ABLIM2: variants seen among roughly 807,000 people sequenced by gnomAD.
ABLIM2 encodes the protein actin binding LIM protein family member 2, also known as actin-binding LIM protein 2.
A neutral mutation model predicts 97.7 loss-of-function variants in ABLIM2; 53 were observed. The ratio of observed to expected loss-of-function variants is 0.54; its 90% CI spans 0.44 to 0.68. The LOEUF (loss-of-function observed/expected upper bound fraction) is 0.68, where lower values mean the gene tolerates loss of function less well. Ranked by LOEUF, ABLIM2 falls within the 30% of genes least tolerant of loss-of-function variation. The pLI, the probability that ABLIM2 is intolerant of heterozygous loss-of-function variation, is 0.00. For missense variants in ABLIM2, 835 were observed against 867.2 expected (o/e 0.96, Z 0.47); for synonymous variants, 361 against 345.8 (o/e 1.04, Z -0.49).
chr4:8,096,183 C>T (rs1341575836), intron 3 of ABLIM2, among the ~76,000 whole-genome samples: 1 of 152,224 alleles, frequency 6.6e-6, no homozygotes, highest in Admixed American at 6.5e-5. Context: ...TTGTTCCTTT[C>T]TCTTAGTTCT....
intron 9 of ABLIM2, among the ~76,000 whole-genome samples, chr4:8,039,026 C>T (rs1213414181): frequency 6.6e-6 from 1 of 152,148 alleles, no homozygotes; most frequent in East Asian, 1.9e-4. Context: ...CTCGAGGCTT[C>T]CTTCCCCACA....
Position 8,046,531 on chromosome 4 carries a change from G to A in ABLIM2, c.823-1290C>T, listed in dbSNP as rs538671977. On this transcript the variant is annotated intron_variant, in intron 8 of 20. Coordinates refer to ENST00000447017, the MANE Select transcript of ABLIM2 (RefSeq NM_001130083.2). This position sits in a 1 kb window ranked among gnomAD's most constrained non-coding sequence, Gnocchi z 4.4. Reference sequence around the variant, plus strand: ...CGGCCCCCACGTCCTCTGCTGCTTCGATGGTTTCCCACCCCGACCACAGCC... The same window carrying A: ...CGGCCCCCACGTCCTCTGCTGCTTCAATGGTTTCCCACCCCGACCACAGCC... 1.3e-4 allele frequency among the ~76,000 whole-genome samples: 20 copies of A among 152,074 alleles called. No homozygotes were observed. In the East Asian group the frequency reaches 3.3e-3, roughly 25 times the overall value.
Position 8,082,252 on chromosome 4 carries a change from G to T in ABLIM2, c.455-1450C>A, listed in dbSNP as rs558134462. Reference sequence around the variant, plus strand: ...GTGGCCCCAGGGCCCGACGTGCTGGGTACAAATCCTGGCCCCCACTATGCG... The same window carrying T: ...GTGGCCCCAGGGCCCGACGTGCTGGTTACAAATCCTGGCCCCCACTATGCG... On this transcript the variant is annotated intron_variant, in intron 4 of 20. Coordinates refer to ENST00000447017, the MANE Select transcript of ABLIM2 (RefSeq NM_001130083.2). This position sits in a 1 kb window ranked among gnomAD's most constrained non-coding sequence, Gnocchi z 5.6. Among the ~76,000 whole-genome samples the T allele has an allele frequency of 6.6e-6, 1 of 152,310 alleles. No homozygotes were observed. The highest frequency in any genetic ancestry group is 2.1e-4 in the South Asian group (1 of 4,830).
Position 8,155,510 on chromosome 4 carries a change from G to C in ABLIM2, c.10+3170C>G, listed in dbSNP as rs535495907. Among the ~76,000 whole-genome samples the C allele has an allele frequency of 4.6e-5, 7 of 152,240 alleles. No homozygotes were observed. The South Asian group carries it at 1.5e-3, about 32-fold the overall frequency. On this transcript the variant is annotated intron_variant, in intron 1 of 20. Coordinates refer to ENST00000447017, the MANE Select transcript of ABLIM2 (RefSeq NM_001130083.2). This position sits in a 1 kb window ranked among gnomAD's most constrained non-coding sequence, Gnocchi z 4.2. ...GTCCCTTCCAGTTCCATGATCCTAA[G>C]AGCAGCATGGAAACAGAAGGCTGAG...
In ABLIM2 at chr4:8,058,191, C is replaced by T. The variant is rs1800572593; in HGVS notation, c.763+2776G>A. Among the ~76,000 whole-genome samples, 1 of 152,236 alleles carries T rather than the reference C, an allele frequency of 6.6e-6. No homozygotes were observed. The highest frequency in any genetic ancestry group is 2.4e-5 in the African/African-American group (1 of 41,460). On this transcript the variant is annotated intron_variant, in intron 7 of 20. Transcript: ENST00000447017. This position sits in a 1 kb window ranked among gnomAD's most constrained non-coding sequence, Gnocchi z 4.2. ...ACCGTGCCCCACTGTCTAAGGGTGC[C>T]CTTTACTGTGGGGGCCAAACCCCAT...
chr4:8,029,355 T>A (rs1056563485), intron 11 of ABLIM2, among the ~76,000 whole-genome samples: 1 of 152,132 alleles, frequency 6.6e-6, no homozygotes, highest in Non-Finnish European at 1.5e-5. Flanking sequence ...AATCATTAGC[T>A]GGAATCTAAG....
chr4:7,968,860 G>C (rs190144732), intron 20 of ABLIM2, among the ~76,000 whole-genome samples: 2 of 152,322 alleles, frequency 1.3e-5, no homozygotes, highest in Non-Finnish European at 2.9e-5. Flanking sequence ...GTTAAAATGG[G>C]CCGGGGGTGG....
rs1218679475 is a variant in ABLIM2 at position 8,087,719 on chromosome 4, C to T, written c.454+450G>A. Among the ~76,000 whole-genome samples, 1 of 151,854 alleles carries T rather than the reference C, an allele frequency of 6.6e-6. No individual in the cohort carries two copies. Among genetic ancestry groups the T allele is most frequent in the African/African-American group, 2.4e-5 (1 of 41,272 alleles). ...CAGTGGGCATTAGATGGGAAAGCAGCAGTGGACATTAGATGGGAAAGCAGC... is the reference window on the plus strand; with the variant it reads ...CAGTGGGCATTAGATGGGAAAGCAGTAGTGGACATTAGATGGGAAAGCAGC... On this transcript the variant is annotated intron_variant, in intron 4 of 20. Transcript: ENST00000447017. The surrounding 1 kb of genome is among the most constrained non-coding windows in gnomAD (Gnocchi z 4.6).
rs113234785 is a variant in ABLIM2, at chr4:8,130,206, A to C, written c.11-23569T>G. ...CAGCCAGCAGGTACTGATGGCTCAC[A>C]GGGCCAGGGATGGAGACGCAGGGTG... On this transcript the variant is annotated intron_variant, in intron 1 of 20. Coordinates refer to ENST00000447017, the MANE Select transcript of ABLIM2 (RefSeq NM_001130083.2). This position sits in a 1 kb window ranked among gnomAD's most constrained non-coding sequence, Gnocchi z 4.2. Among the ~76,000 whole-genome samples the C allele has an allele frequency of 1.3e-5, 2 of 152,296 alleles. No homozygotes were observed. Among genetic ancestry groups the C allele is most frequent in the African/African-American group, 4.8e-5 (2 of 41,562 alleles).
intron 8 of ABLIM2, among the ~76,000 whole-genome samples, chr4:8,049,180 G>A (rs1425062568): frequency 1.3e-5 from 2 of 152,218 alleles, no homozygotes; most frequent in African/African-American, 4.8e-5. Context: ...TTGTGGGCAG[G>A]GACCCCTCAG....
intron 4 of ABLIM2, among the ~76,000 whole-genome samples, chr4:8,084,281 C>T (rs975273474): frequency 3.3e-5 from 5 of 152,144 alleles, no homozygotes; most frequent in Non-Finnish European, 5.9e-5. Context: ...CAGAGCGGGA[C>T]GGGGGCTCCT....
chr4:8,048,682 C>T (rs963868812), intron 8 of ABLIM2, among the ~76,000 whole-genome samples: 1 of 152,204 alleles, frequency 6.6e-6, no homozygotes, highest in Admixed American at 6.5e-5. Flanking sequence ...TCCTCAATGG[C>T]CCCAACAGTC....
chr4:8,090,823 T>C (rs1826863298), intron 3 of ABLIM2, among the ~76,000 whole-genome samples: 1 of 152,106 alleles, frequency 6.6e-6, no homozygotes, highest in South Asian at 2.1e-4. Context: ...CTTTGTTCCT[T>C]TGAGGACGGA....
chr4:8,013,348 G>A (rs929055996), intron 14 of ABLIM2, among the ~76,000 whole-genome samples: 10 of 145,266 alleles, frequency 6.9e-5, no homozygotes, highest in South Asian at 2.3e-4. Flanking sequence ...TCAGCCTCCC[G>A]CGTAGCTGGG....
chr4:8,084,682 A>G (rs1170263615), intron 4 of ABLIM2, among the ~76,000 whole-genome samples: 1 of 152,230 alleles, frequency 6.6e-6, no homozygotes, highest in East Asian at 1.9e-4. Flanking sequence ...GCCAGGCCCA[A>G]GAAGTGGCTG....
intron 1 of ABLIM2, among the ~76,000 whole-genome samples, chr4:8,143,665 G>A (rs1233088026): frequency 6.6e-6 from 1 of 152,214 alleles, no homozygotes; most frequent in Admixed American, 6.5e-5. Flanking sequence ...TCCCTGAGAA[G>A]TGCTTTCTCA....
At chr4:8,157,232 C>T (rs1202158416) in intron 1 of ABLIM2, among the ~76,000 whole-genome samples, 2 of 152,072 alleles carry the variant, frequency 1.3e-5, no homozygotes, top group African/African-American at 2.4e-5. Flanking sequence ...GAGATGCCAG[C>T]ACTGCTTCTG....
At chr4:7,975,778 C>T (rs572610304) in intron 20 of ABLIM2, among the ~76,000 whole-genome samples, 5 of 152,278 alleles carry the variant, frequency 3.3e-5, no homozygotes, top group East Asian at 3.9e-4. Flanking sequence ...GCTATAGTAA[C>T]GGTTGCTTAA....
intron 8 of ABLIM2, among the ~76,000 whole-genome samples, chr4:8,047,157 G>A (rs986209825): frequency 6.6e-6 from 1 of 152,220 alleles, no homozygotes; most frequent in Non-Finnish European, 1.5e-5. Context: ...ACAACCCTGT[G>A]CGGCATGTGG....
Sources: gnomAD v4.1 joint callset for allele counts (sites outside exome capture counted in the v4.1 genomes callset) on GRCh38, gnomAD v4.1.1 for gene constraint, Gnocchi (gnomAD v3.1) non-coding constraint, MANE v1.5 for transcripts, NCBI Gene and HGNC (gene_info 2026-07-23, HGNC 2026-07-21) for gene names.